The following KLHL1 variants were observed in gnomAD, a reference collection of about 807,000 sequenced individuals.
The protein encoded by KLHL1 is kelch-like protein 1.
In KLHL1, 47 loss-of-function variants were observed where a neutral mutation model predicts 77.7. The observed-to-expected ratio is 0.60, with a 90% CI of 0.48 to 0.77. KLHL1 has a LOEUF of 0.77. KLHL1 is among the 30% of genes least tolerant of loss of function. The pLI is 0.00. For missense variants in KLHL1, 925 were observed against 910.8 expected, an observed-to-expected ratio of 1.02 and a Z score of -0.20; for synonymous variants, 360 against 325.2, an observed-to-expected ratio of 1.11 and a Z score of -1.15.
At chr13:69,956,816 C>T (rs911638157) in intron 3 of KLHL1, among the ~76,000 whole-genome samples, 1 of 151,586 alleles carries the variant, frequency 6.6e-6, no homozygotes, top group Non-Finnish European at 1.5e-5. Context: ...TTTACAAATG[C>T]TTATTTGAAA....
chr13:69,789,037 A>G (rs1309827077), intron 7 of KLHL1, among the ~76,000 whole-genome samples: 1 of 61,404 alleles, frequency 1.6e-5, no homozygotes, highest in African/African-American at 7.9e-5. Flanking sequence ...CTATCTATCT[A>G]TCTATCTATC....
intron 2 of KLHL1, among the ~76,000 whole-genome samples, chr13:69,964,618 A>G (rs1255595368): frequency 2.0e-5 from 3 of 152,094 alleles, no homozygotes; most frequent in African/African-American, 7.2e-5. Flanking sequence ...CAGATTGCAT[A>G]TATGGTTCAA....
chr13:69,935,877 G>T (rs764465380), intron 4 of KLHL1, among the ~76,000 whole-genome samples: 3 of 152,124 alleles, frequency 2.0e-5, no homozygotes. Flanking sequence ...TGTATTACAA[G>T]ATACTAGACA....
chr13:69,845,802 G>A (rs1466612751), intron 5 of KLHL1, among the ~76,000 whole-genome samples: 2 of 151,160 alleles, frequency 1.3e-5, no homozygotes, highest in Admixed American at 6.6e-5. Flanking sequence ...ACTAAGTGGA[G>A]TTACGATGGA....
intron 1 of KLHL1, among the ~76,000 whole-genome samples, chr13:70,004,477 T>C (rs1005087062): frequency 6.6e-6 from 1 of 151,540 alleles, no homozygotes; most frequent in Admixed American, 6.6e-5. Context: ...GCAATTGCAA[T>C]CTAATTGGAA....
At chr13:70,072,663 T>C (rs992163867) in intron 1 of KLHL1, among the ~76,000 whole-genome samples, 2 of 151,776 alleles carry the variant, frequency 1.3e-5, no homozygotes, top group Admixed American at 1.3e-4. Context: ...GTGGAATACA[T>C]CAATCACATC....
At chr13:69,895,253 T>C (rs1881588135) in intron 4 of KLHL1, among the ~76,000 whole-genome samples, 1 of 152,180 alleles carries the variant, frequency 6.6e-6, no homozygotes, top group Non-Finnish European at 1.5e-5. Flanking sequence ...CCCTTTGTTT[T>C]CTTATTTTTC....
chr13:69,975,945 C>G (rs2210444), intron 1 of KLHL1, 143 bp from the exon 2 acceptor site: 686,466 of 1,077,036 alleles, frequency 0.64, 221,151 homozygotes, highest in Non-Finnish European at 0.65. Flanking sequence ...TTTAATACAA[C>G]TTCAATAAAT....
rs1237100844 is a variant in KLHL1 at position 69,901,787 on chromosome 13, CTTT to C, written c.1015-19295_1015-19293del. Among the ~76,000 whole-genome samples, 85 of 80,180 alleles carry C rather than the reference CTTT, an allele frequency of 1.1e-3. 1 individual carries two copies. Among genetic ancestry groups the C allele is most frequent in the East Asian group, 2.9e-3 (6 of 2,044 alleles). The allele number at this position is 80,180 out of a possible 152,430, so 52.6% of individuals were successfully genotyped here. On this transcript the variant is annotated intron_variant, in intron 4 of 10. Transcript: ENST00000377844. ...TGAGTTTTTCATTTTCTTTCTTTTTCTTTTTTTCTTTTTTTTTTTTTTTTTCTG... is the reference window on the plus strand; with the variant it reads ...TGAGTTTTTCATTTTCTTTCTTTTTCTTTTCTTTTTTTTTTTTTTTTTCTG...
chr13:69,970,855 C>G (rs1191013190), intron 2 of KLHL1, among the ~76,000 whole-genome samples: 2 of 152,080 alleles, frequency 1.3e-5, no homozygotes, highest in African/African-American at 4.8e-5. Context: ...GGCTCAGGCT[C>G]TCACATGAGG....
chr13:69,741,540 A>G (rs184963915), intron 7 of KLHL1, among the ~76,000 whole-genome samples: 40 of 152,194 alleles, frequency 2.6e-4, no homozygotes, highest in African/African-American at 9.4e-4. Flanking sequence ...AGTACCATCA[A>G]TTTTTGTTTC....
intron 1 of KLHL1, among the ~76,000 whole-genome samples, chr13:70,103,267 G>T (rs1214811307): frequency 2.0e-5 from 3 of 152,090 alleles, no homozygotes; most frequent in African/African-American, 7.2e-5. Context: ...TATTAAGTCT[G>T]GAAAACAGAG....
intron 1 of KLHL1, among the ~76,000 whole-genome samples, chr13:70,004,292 T>G (rs1885358829): frequency 6.6e-6 from 1 of 151,758 alleles, no homozygotes; most frequent in Non-Finnish European, 1.5e-5. Context: ...CTCAAATAAA[T>G]AAAGACCCCC....
chr13:69,712,953 G>T (rs1875950901), intron 9 of KLHL1, among the ~76,000 whole-genome samples: 1 of 151,678 alleles, frequency 6.6e-6, no homozygotes, highest in African/African-American at 2.4e-5. Context: ...GGGACTACAG[G>T]CATGTGCCAC....
At chr13:69,980,115 A>G (rs1338810625) in intron 1 of KLHL1, among the ~76,000 whole-genome samples, 1 of 152,220 alleles carries the variant, frequency 6.6e-6, no homozygotes. Flanking sequence ...TAAACAGTTC[A>G]GGACTCAATA....
chr13:69,764,905 C>CTCATGCTT lies in KLHL1; in HGVS notation c.1640-24357_1640-24350dup, dbSNP rs1389274208. On this transcript the variant is annotated intron_variant, in intron 7 of 10. Coordinates refer to ENST00000377844, the MANE Select transcript of KLHL1 (RefSeq NM_020866.3). Reference sequence around the variant, plus strand: ...ATTAGAAGTTACCTTTTCTCCTTTTCTCATGCTTTCATGTATATCTTTGCT... The same window carrying CTCATGCTT: ...ATTAGAAGTTACCTTTTCTCCTTTTCTCATGCTTTCATGCTTTCATGTATATCTTTGCT... 7.5e-5 allele frequency among the ~76,000 whole-genome samples: 9 copies of CTCATGCTT among 119,680 alleles called. No individual in the cohort carries two copies. The East Asian group carries it at 2.3e-3, about 31-fold the overall frequency. The allele number at this position is 119,680 out of a possible 152,430, so 78.5% of individuals were successfully genotyped here.
intron 4 of KLHL1, among the ~76,000 whole-genome samples, chr13:69,889,014 G>A (rs969681300): frequency 1.3e-5 from 2 of 151,644 alleles, no homozygotes; most frequent in Non-Finnish European, 2.9e-5. Context: ...AGCACCTTAA[G>A]AGTAAGGCTG....
chr13:69,892,838 T>C (rs1268306845), intron 4 of KLHL1, among the ~76,000 whole-genome samples: 8 of 152,182 alleles, frequency 5.3e-5, no homozygotes. Flanking sequence ...AAGACAACAT[T>C]AGCATTATTC....
intron 4 of KLHL1, among the ~76,000 whole-genome samples, chr13:69,896,893 G>A (rs192474283): frequency 0.017 from 2,521 of 151,694 alleles, 74 homozygotes; most frequent in African/African-American, 0.057. Context: ...GGCTGGTCTC[G>A]ACTCCTGACC....
Sources: gnomAD v4.1 joint callset for allele counts (sites outside exome capture counted in the v4.1 genomes callset) on GRCh38, gnomAD v4.1.1 for gene constraint, MANE v1.5 for transcripts, NCBI Gene and HGNC (gene_info 2026-07-23, HGNC 2026-07-21) for gene names.